The following ENAH variants were observed in gnomAD, a reference collection of about 807,000 sequenced individuals.
ENAH encodes protein enabled homolog.
Under a neutral mutation model 78.7 loss-of-function variants are expected in ENAH, and 23 were observed. The ratio of observed to expected loss-of-function variants is 0.29; its 90% CI spans 0.21 to 0.41. The LOEUF is 0.41. Among genes scored for constraint, ENAH ranks in the 10% least tolerant of loss-of-function variants. The probability of loss-of-function intolerance (pLI) is 1.00; values close to 1 mark genes in which losing one functional copy is unlikely to be tolerated. For synonymous variants in ENAH, 226 were observed against 241.0 expected, an observed-to-expected ratio of 0.94 and a Z score of 0.58; for missense variants, 544 against 691.0, an observed-to-expected ratio of 0.79 and a Z score of 2.39.
chr1:225,568,724 T>C (rs1395688311), intron 1 of ENAH, among the ~76,000 whole-genome samples: 1 of 152,134 alleles, frequency 6.6e-6, no homozygotes, highest in African/African-American at 2.4e-5. Context: ...TCTTAACCCA[T>C]CCAAGAGGGA....
At chr1:225,555,598 A>T (rs812523) in intron 2 of ENAH, among the ~76,000 whole-genome samples, 99,570 of 151,428 alleles carry the variant, frequency 0.66, 33,113 homozygotes, top group Middle Eastern at 0.74. Context: ...AAAAAAAGTA[A>T]ATCAGCAAAA....
intron 1 of ENAH, among the ~76,000 whole-genome samples, chr1:225,649,073 A>AT (rs1176465933): frequency 2.0e-5 from 3 of 152,302 alleles, no homozygotes; most frequent in Non-Finnish European, 4.4e-5. Context: ...AGTAACATAA[A>AT]TTTAAGGCTT....
intron 1 of ENAH, among the ~76,000 whole-genome samples, chr1:225,614,619 C>G (rs2097014122): frequency 6.6e-6 from 1 of 152,132 alleles, no homozygotes; most frequent in Non-Finnish European, 1.5e-5. Flanking sequence ...TCAGGCTCTT[C>G]CCCTTCCCCT....
At chr1:225,524,645 T>C (rs2096491699) in intron 4 of ENAH, 11 of 985,236 alleles carry the variant, frequency 1.1e-5, no homozygotes, top group African/African-American at 1.0e-4. Flanking sequence ...CGAAGGCCAA[T>C]AGGAGGGCTA....
chr1:225,498,392 C>A lies in ENAH; in HGVS notation c.1630G>T (p.Glu544Ter). 2 of 1,587,330 alleles carry A rather than the reference C, an allele frequency of 1.3e-6. No individual in the cohort carries two copies. The highest frequency in any genetic ancestry group is 2.2e-5 in the South Asian group (2 of 88,958). Residue 544 changes from glutamate (E) to a stop codon, truncating the protein, a stop_gained, in exon 13 of 14, where the codon GAA (glutamate) becomes TAA (stop). Coordinates refer to ENST00000366843, the MANE Select transcript of ENAH (RefSeq NM_018212.6). LOFTEE classifies it high-confidence loss of function. Reference sequence around the variant, plus strand: ...AGCTTTGTTAATTCTTTTCTCATTTCATCTAAAATGTCCTAAAATATTAGA... The same window carrying A: ...AGCTTTGTTAATTCTTTTCTCATTTAATCTAAAATGTCCTAAAATATTAGA... Reference protein sequence around the residue: ...YDRLKQDILDEMRKELTKLKE... With the variant: ...YDRLKQDILD
At chr1:225,566,596 A>C (rs1344380879) in intron 2 of ENAH, among the ~76,000 whole-genome samples, 1 of 152,214 alleles carries the variant, frequency 6.6e-6, no homozygotes, top group African/African-American at 2.4e-5. Context: ...TCTACTCTTT[A>C]TAAAAGTTCT....
intron 1 of ENAH, among the ~76,000 whole-genome samples, chr1:225,592,407 C>A (rs987468027): frequency 3.9e-5 from 6 of 152,190 alleles, no homozygotes; most frequent in African/African-American, 1.4e-4. Context: ...CCCAATGAGG[C>A]TCTCTTCATT....
chr1:225,593,389 C>CTGTG (rs1222265738), intron 1 of ENAH, among the ~76,000 whole-genome samples: 2,608 of 19,900 alleles, frequency 0.13, 941 homozygotes, highest in African/African-American at 0.17. Context: ...CAGCCTGCCC[C>CTGTG]TGTGTGTGTG....
At chr1:225,543,711 A>T (rs1421721768) in intron 3 of ENAH, among the ~76,000 whole-genome samples, 1 of 152,252 alleles carries the variant, frequency 6.6e-6, no homozygotes, top group African/African-American at 2.4e-5. Flanking sequence ...TAACAGGAAT[A>T]CAAATAATTC....
chr1:225,486,992 C>G lies in ENAH; in HGVS notation c.*10783G>C, dbSNP rs1046135188. 6.6e-6 allele frequency: 1 copy of G among 152,652 alleles called. No homozygotes were observed. Among genetic ancestry groups the G allele is most frequent in the African/African-American group, 2.4e-5 (1 of 41,468 alleles). The allele number at this position is 152,652 out of a possible 1,614,324, so 9.5% of individuals were successfully genotyped here. A position where few individuals can be genotyped will look rare whatever the true frequency, so the allele number is the denominator to read the frequency against. On this transcript the variant is annotated 3_prime_UTR_variant, in exon 14 of 14. Transcript: ENST00000366843. The stretch of plus-strand genomic sequence containing the variant: ...GGCCACTTAATGCAAACACAGGGGT[C>G]TGATGCTGCAAACCTAAGTCACATG...
rs56411881 is a variant in ENAH at position 225,524,741 on chromosome 1, T to C, written c.435-5176A>G. On this transcript the variant is annotated intron_variant, in intron 4 of 13. Coordinates refer to ENST00000366843, the MANE Select transcript of ENAH (RefSeq NM_018212.6). ...CCCTTTTATAACTTTCAGATAGTACTGGTGATTTGCGAACTATTTATAGAT... is the reference window on the plus strand; with the variant it reads ...CCCTTTTATAACTTTCAGATAGTACCGGTGATTTGCGAACTATTTATAGAT... 2,157 of 800,176 alleles carry C rather than the reference T, an allele frequency of 2.7e-3. 48 individuals are homozygous for C. In the African/African-American group the frequency reaches 0.037, roughly 14 times the overall value. 49.6% of individuals were successfully genotyped at this position (800,176 alleles called of 1,614,324 possible). A position where few individuals can be genotyped will look rare whatever the true frequency, so the allele number is the denominator to read the frequency against.
chr1:225,542,343 T>C (rs2151333054), intron 3 of ENAH, among the ~76,000 whole-genome samples: 1 of 152,368 alleles, frequency 6.6e-6, no homozygotes, highest in South Asian at 2.1e-4. Flanking sequence ...GTGGCTGTTC[T>C]GCCATCACAC....
intron 4 of ENAH, among the ~76,000 whole-genome samples, chr1:225,525,776 G>A (rs2096499299): frequency 6.6e-6 from 1 of 152,056 alleles, no homozygotes. Flanking sequence ...GATTCTCTTA[G>A]GATTTTGAAG....
At chr1:225,653,215 G>C (rs1466642708), upstream of ENAH, 1 of 150,948 alleles carries the variant, frequency 6.6e-6, no homozygotes, top group Admixed American at 6.6e-5. This position sits in a 1 kb window ranked among gnomAD's most constrained non-coding sequence, Gnocchi z 4.3. Flanking sequence ...CCGGGGGCGA[G>C]GGGGCGGTGC....
intron 12 of ENAH, among the ~76,000 whole-genome samples, chr1:225,498,734 G>C (rs1047661843): frequency 2.6e-5 from 4 of 152,252 alleles, no homozygotes; most frequent in Non-Finnish European, 5.9e-5. Context: ...TCTGGGAACA[G>C]TCTGAGAGGT....
At chr1:225,635,105 T>C (rs1659821696) in intron 1 of ENAH, among the ~76,000 whole-genome samples, 1 of 152,254 alleles carries the variant, frequency 6.6e-6, no homozygotes, top group African/African-American at 2.4e-5. Context: ...TTGAAGTCTT[T>C]TCTTTCAACA....
At chr1:225,570,019 A>C (rs538772372) in intron 1 of ENAH, among the ~76,000 whole-genome samples, 2 of 152,174 alleles carry the variant, frequency 1.3e-5, no homozygotes, top group South Asian at 4.2e-4. Context: ...CAGCCTGGCC[A>C]ACATGGGGAA....
At chr1:225,635,979 C>T (rs576588416) in intron 1 of ENAH, among the ~76,000 whole-genome samples, 1 of 152,220 alleles carries the variant, frequency 6.6e-6, no homozygotes, top group Non-Finnish European at 1.5e-5. Context: ...CAAGATGCAA[C>T]ATCAATTCTT....
At chr1:225,625,843 T>G (rs961279135) in intron 1 of ENAH, among the ~76,000 whole-genome samples, 1 of 152,142 alleles carries the variant, frequency 6.6e-6, no homozygotes, top group African/African-American at 2.4e-5. Flanking sequence ...ATAACTTAAT[T>G]TTGCTATTGT....
Sources: gnomAD v4.1 joint callset for allele counts (sites outside exome capture counted in the v4.1 genomes callset) on GRCh38, gnomAD v4.1.1 for gene constraint, Gnocchi (gnomAD v3.1) non-coding constraint, MANE v1.5 for transcripts, NCBI Gene and HGNC (gene_info 2026-07-23, HGNC 2026-07-21) for gene names.